ACBD6: variants seen among roughly 807,000 people sequenced by gnomAD.
ACBD6 encodes acyl-CoA binding domain containing 6.
In ACBD6, 28 loss-of-function variants were observed where a neutral mutation model predicts 37.2. The ratio of observed to expected loss-of-function variants is 0.75; its 90% CI spans 0.56 to 1.03. The LOEUF is 1.03. ACBD6 is among the 50% of genes least tolerant of loss of function. The pLI is 0.00. For missense variants in ACBD6, 340 were observed against 337.4 expected (o/e 1.01, Z -0.06); for synonymous variants, 113 against 126.8 (o/e 0.89, Z 0.73).
chr1:180,383,124 CT>C (rs1273239322), intron 6 of ACBD6, among the ~76,000 whole-genome samples: 1 of 152,204 alleles, frequency 6.6e-6, no homozygotes, highest in Admixed American at 6.5e-5. Flanking sequence ...CCCCCAAGAA[CT>C]GGCACAAGCC....
chr1:180,468,394 A>G (rs1233242664), intron 3 of ACBD6, among the ~76,000 whole-genome samples: 1 of 152,192 alleles, frequency 6.6e-6, no homozygotes, highest in African/African-American at 2.4e-5. Flanking sequence ...AAAGGAGGCT[A>G]AGAAGGCCGC....
At chr1:180,392,094 T>A (rs761474294) in intron 6 of ACBD6, among the ~76,000 whole-genome samples, 1 of 152,198 alleles carries the variant, frequency 6.6e-6, no homozygotes, top group Non-Finnish European at 1.5e-5. Flanking sequence ...TAAGAAGAGT[T>A]AGAACTAATC....
intron 6 of ACBD6, among the ~76,000 whole-genome samples, chr1:180,369,455 A>T (rs1653173977): frequency 6.6e-6 from 1 of 152,154 alleles, no homozygotes; most frequent in Admixed American, 6.6e-5. Flanking sequence ...AAAAGTACTA[A>T]GCAGCTATAA....
chr1:180,369,870 C>A (rs1653189161), intron 6 of ACBD6, among the ~76,000 whole-genome samples: 1 of 152,152 alleles, frequency 6.6e-6, no homozygotes, highest in Non-Finnish European at 1.5e-5. Flanking sequence ...CTGCCACACA[C>A]AAGTTTCTAG....
At chr1:180,422,926 A>C (rs939129177) in intron 4 of ACBD6, among the ~76,000 whole-genome samples, 8 of 152,220 alleles carry the variant, frequency 5.3e-5, no homozygotes, top group Non-Finnish European at 1.2e-4. Flanking sequence ...TATGTACTAC[A>C]GTTAATTTCA....
At chr1:180,372,453 C>T (rs1282808348) in intron 6 of ACBD6, among the ~76,000 whole-genome samples, 6 of 152,056 alleles carry the variant, frequency 3.9e-5, no homozygotes, top group African/African-American at 1.4e-4. Flanking sequence ...AATGCTAATT[C>T]CATGAAATTA....
At chr1:180,316,129 G>C (rs187714975) in intron 6 of ACBD6, among the ~76,000 whole-genome samples, 51 of 152,182 alleles carry the variant, frequency 3.4e-4, no homozygotes, top group Middle Eastern at 3.4e-3. Context: ...AGAGAGCTAA[G>C]GCAGCTATAG....
At chr1:180,384,243 T>A (rs1653763590) in intron 6 of ACBD6, among the ~76,000 whole-genome samples, 1 of 151,872 alleles carries the variant, frequency 6.6e-6, no homozygotes, top group Admixed American at 6.6e-5. Context: ...TGAAGAAATA[T>A]CTGCAAATTA....
intron 1 of ACBD6, among the ~76,000 whole-genome samples, chr1:180,497,484 A>G (rs552667757): frequency 6.6e-6 from 1 of 152,310 alleles, no homozygotes; most frequent in South Asian, 2.1e-4. Flanking sequence ...TAGTCTTGTA[A>G]TCCCTTTATA....
At chr1:180,356,108 G>C (rs1652619647) in intron 6 of ACBD6, among the ~76,000 whole-genome samples, 1 of 151,846 alleles carries the variant, frequency 6.6e-6, no homozygotes, top group Admixed American at 6.6e-5. Context: ...CCTGACCTCA[G>C]GTGATCCATG....
chr1:180,447,162 T>A (rs1649505823), intron 3 of ACBD6, among the ~76,000 whole-genome samples: 1 of 152,196 alleles, frequency 6.6e-6, no homozygotes, highest in Non-Finnish European at 1.5e-5. Context: ...ACAGAAATGA[T>A]ATGAACAAGT....
At chr1:180,373,203 T>C (rs570798455) in intron 6 of ACBD6, among the ~76,000 whole-genome samples, 1 of 152,332 alleles carries the variant, frequency 6.6e-6, no homozygotes, top group South Asian at 2.1e-4. Context: ...TGACTTTGAT[T>C]ACCTCATTTA....
chr1:180,377,862 G>A (rs1653493135), intron 6 of ACBD6, among the ~76,000 whole-genome samples: 1 of 151,912 alleles, frequency 6.6e-6, no homozygotes, highest in South Asian at 2.1e-4. Context: ...CAGGAGATTC[G>A]CTTGAACCCG....
intron 3 of ACBD6, among the ~76,000 whole-genome samples, chr1:180,489,115 G>A (rs182013095): frequency 3.8e-4 from 58 of 152,168 alleles, no homozygotes; most frequent in Admixed American, 6.5e-4. Context: ...GCAGTAAGCT[G>A]AGATTGTGCC....
At chr1:180,454,323 T>C (rs1430234300) in intron 3 of ACBD6, among the ~76,000 whole-genome samples, 1 of 152,232 alleles carries the variant, frequency 6.6e-6, no homozygotes, top group Admixed American at 6.5e-5. Flanking sequence ...GCTAGCCATA[T>C]GCAGAAAACT....
At chr1:180,464,462 T>C (rs749538553) in intron 3 of ACBD6, among the ~76,000 whole-genome samples, 8 of 151,786 alleles carry the variant, frequency 5.3e-5, no homozygotes, top group Non-Finnish European at 1.0e-4. Flanking sequence ...ATAAACAAAG[T>C]ACCTAGGAAA....
At position 180,502,083 on chromosome 1, in the gene ACBD6, T is replaced by A. The variant is rs1273092718; in HGVS notation, c.184A>T (p.Arg62Trp). ...GCATACAGGTACAAGAGCTGCTCCC[T>A]GCTGGCCACCTGAATCAGGCCTTGC... is the stretch of plus-strand genomic sequence containing the variant. ...HLQGLIQVAS[R>W]EQLLYLYARY... Residue 62 changes from arginine to tryptophan, a missense_variant, in exon 1 of 8, where the codon AGG (arginine) becomes TGG (tryptophan). By Grantham distance (101) the Arg-to-Trp change is moderately radical. Coordinates refer to ENST00000367595, the MANE Select transcript of ACBD6 (RefSeq NM_032360.4). 6.2e-7 allele frequency: 1 copy of A among 1,613,858 alleles called. No homozygotes were observed. Among genetic ancestry groups the A allele is most frequent in the East Asian group, 2.2e-5 (1 of 44,876 alleles).
intron 6 of ACBD6, among the ~76,000 whole-genome samples, chr1:180,389,822 G>A (rs1276570030): frequency 1.3e-5 from 2 of 152,126 alleles, no homozygotes; most frequent in African/African-American, 4.8e-5. Flanking sequence ...GTCTGTTCAT[G>A]TCCTTTGCCC....
At chr1:180,342,724 CCAAA>C (rs1652027560) in intron 6 of ACBD6, among the ~76,000 whole-genome samples, 1 of 151,872 alleles carries the variant, frequency 6.6e-6, no homozygotes, top group African/African-American at 2.4e-5. Context: ...GAGTATAAGC[CCAAA>C]CATTTTTTCT....
Sources: allele counts gnomAD v4.1 joint callset (sites outside exome capture counted in the v4.1 genomes callset), GRCh38; gene constraint gnomAD v4.1.1; transcripts MANE v1.5; gene names NCBI Gene and HGNC (gene_info 2026-07-23, HGNC 2026-07-21).